Variants in ANKRD52 observed in about 807,000 individuals in gnomAD.
ANKRD52 encodes the protein ankyrin repeat domain 52.
ANKRD52 carries 7 observed loss-of-function variants against 116.0 expected under a neutral mutation model. That is an observed-to-expected ratio of 0.06 (90% confidence interval 0.03 to 0.11). The LOEUF is 0.11. Ranked by LOEUF, ANKRD52 falls within the 10% of genes least tolerant of loss-of-function variation. The pLI is 1.00. For synonymous variants in ANKRD52, 528 were observed against 578.1 expected (o/e 0.91, Z 1.24); for missense variants, 839 against 1,408.6 (o/e 0.60, Z 6.47).
rs1166357698 is a variant in ANKRD52 at position 56,255,486 on chromosome 12, G to C, written c.462+298C>G. Reference sequence around the variant, plus strand: ...ATTACAGGCGTGAGCCGCCGTGCCCGGCCGGTTCTTAAACTCTTGTAAGTC... The same window carrying C: ...ATTACAGGCGTGAGCCGCCGTGCCCCGCCGGTTCTTAAACTCTTGTAAGTC... On this transcript the variant is annotated intron_variant, in intron 5 of 27. Transcript: ENST00000267116. This position sits in a 1 kb window ranked among gnomAD's most constrained non-coding sequence, Gnocchi z 4.3. 6.6e-6 allele frequency among the ~76,000 whole-genome samples: 1 copy of C among 152,182 alleles called. No homozygotes were observed. Among genetic ancestry groups the C allele is most frequent in the Non-Finnish European group, 1.5e-5 (1 of 68,038 alleles).
chr12:56,242,983 T>C lies in ANKRD52; in HGVS notation c.*159A>G. 1 of 1,080,046 alleles carries C rather than the reference T, an allele frequency of 9.3e-7. No homozygotes were observed. Among genetic ancestry groups the C allele is most frequent in the South Asian group, 1.7e-5 (1 of 57,652 alleles). 66.9% of individuals were successfully genotyped at this position (1,080,046 alleles called of 1,614,324 possible). A position where few individuals can be genotyped will look rare whatever the true frequency, so the allele number is the denominator to read the frequency against. On this transcript the variant is annotated 3_prime_UTR_variant, in exon 28 of 28. Coordinates refer to ENST00000267116, the MANE Select transcript of ANKRD52 (RefSeq NM_173595.4). This position sits in a 1 kb window ranked among gnomAD's most constrained non-coding sequence, Gnocchi z 4.3. ...CCAGACCCCTGCCAGGCCAAGATGGTGTGGCAAAGGGGTGAGCAGCTGCTC... is the reference window on the plus strand; with the variant it reads ...CCAGACCCCTGCCAGGCCAAGATGGCGTGGCAAAGGGGTGAGCAGCTGCTC...
Position 56,254,891 on chromosome 12 carries a change from T to C in ANKRD52, c.524A>G (p.Gln175Arg). ...TAGAAAAGCTGCCCAATGCAGAGGC[T>C]GCCGCTCCTTTTTGTCACAGACATT... ...SLNVCDKKER[Q>R]PLHWAAFLGH... Residue 175 changes from glutamine (Q) to arginine (R), a missense_variant, in exon 6 of 28, where the codon CAG becomes CGG. Around this residue, in one of 2 missense-constraint regions of ANKRD52, gnomAD observed 287 missense variants for 598.1 expected, o/e 0.48. Coordinates refer to ENST00000267116, the MANE Select transcript of ANKRD52 (RefSeq NM_173595.4). The surrounding 1 kb of genome is among the most constrained non-coding windows in gnomAD (Gnocchi z 4.6). 1.2e-6 allele frequency: 2 copies of C among 1,613,674 alleles called. No homozygotes were observed. Among genetic ancestry groups the C allele is most frequent in the Non-Finnish European group, 1.7e-6 (2 of 1,179,560 alleles).
rs542968503 is a variant in ANKRD52 at position 56,246,174 on chromosome 12, C to T, written c.2185-578G>A. Among the ~76,000 whole-genome samples the T allele has an allele frequency of 2.6e-5, 4 of 152,322 alleles. No homozygotes were observed. In the East Asian group the frequency reaches 7.7e-4, roughly 29 times the overall value. ...CCTCCCAAGTAGCTGGGATTATAGG[C>T]ATGCACCACCATGCCCAATTAATTT... On this transcript the variant is annotated intron_variant, in intron 20 of 27. Coordinates refer to ENST00000267116, the MANE Select transcript of ANKRD52 (RefSeq NM_173595.4).
intron 20 of ANKRD52, 28 bp from the exon 21 acceptor site, chr12:56,245,624 G>T (rs774042499): frequency 6.3e-7 from 1 of 1,591,722 alleles, no homozygotes; most frequent in East Asian, 2.2e-5. Flanking sequence ...GTGTGAGGGG[G>T]ATGAAAAGCT....
At chr12:56,257,190 CCAA>C in intron 3 of ANKRD52, 90 bp downstream of exon 3, 2 of 1,546,852 alleles carry the variant, frequency 1.3e-6, no homozygotes, top group African/African-American at 1.4e-5. Context: ...CTCGCCTGGA[CCAA>C]GCCGGGGAGA....
chr12:56,237,900 T>C lies in ANKRD52; in HGVS notation c.*5242A>G. 1 of 870,716 alleles carries C rather than the reference T, an allele frequency of 1.1e-6. No homozygotes were observed. The highest frequency in any genetic ancestry group is 1.6e-6 in the Non-Finnish European group (1 of 612,414). 53.9% of individuals were successfully genotyped at this position (870,716 alleles called of 1,614,324 possible). A position where few individuals can be genotyped will look rare whatever the true frequency, so the allele number is the denominator to read the frequency against. On this transcript the variant is annotated 3_prime_UTR_variant, in exon 28 of 28. Coordinates refer to ENST00000267116, the MANE Select transcript of ANKRD52 (RefSeq NM_173595.4). ...CAAAACAGCATAGAAAACCAGAGTG[T>C]GGTGGGAGGACCCGAAGCCGGTTGG...
rs115543175 is a variant in ANKRD52, at chr12:56,254,282, G to A, written c.694-3C>T. 1,414 of 1,612,980 alleles carry A rather than the reference G, an allele frequency of 8.8e-4. 12 individuals are homozygous for A. In the African/African-American group the frequency reaches 0.016, roughly 19 times the overall value. ...CCAAAAGCATTGGGTTCATCGATCT[G>A]GATATTCAGGGGTGAGAGTAAGGTG... On this transcript the variant is annotated splice_region_variant and splice_polypyrimidine_tract_variant and intron_variant, in intron 7 of 27. Coordinates refer to ENST00000267116, the MANE Select transcript of ANKRD52 (RefSeq NM_173595.4). This position sits in a 1 kb window ranked among gnomAD's most constrained non-coding sequence, Gnocchi z 4.6.
At position 56,254,004 on chromosome 12, in the gene ANKRD52, C is replaced by G; in HGVS notation, c.906+63G>C. On this transcript the variant is annotated intron_variant, in intron 8 of 27. Coordinates refer to ENST00000267116, the MANE Select transcript of ANKRD52 (RefSeq NM_173595.4). The surrounding 1 kb of genome is among the most constrained non-coding windows in gnomAD (Gnocchi z 4.6). ...ATTCCCCAAGAGAGCTATCCAGATA[C>G]AGTCAGGACCCCTAGATCCAAGTTT... 6.6e-7 allele frequency: 1 copy of G among 1,509,732 alleles called. No homozygotes were observed. The highest frequency in any genetic ancestry group is 2.3e-5 in the East Asian group (1 of 43,998). The allele number at this position is 1,509,732 out of a possible 1,614,324, so 93.5% of individuals were successfully genotyped here. A position where few individuals can be genotyped will look rare whatever the true frequency, so the allele number is the denominator to read the frequency against.
Position 56,242,029 on chromosome 12 carries a change from CCCT to C in ANKRD52, c.*1110_*1112del. ...AGCCACGGTCCCTTGTCGGCCCTGC[CCCT>C]CCTACCATCTTTGGCTTCAGATCAG... On this transcript the variant is annotated 3_prime_UTR_variant, in exon 28 of 28. Coordinates refer to ENST00000267116, the MANE Select transcript of ANKRD52 (RefSeq NM_173595.4). This position sits in a 1 kb window ranked among gnomAD's most constrained non-coding sequence, Gnocchi z 4.3. The C allele has an allele frequency of 2.5e-6, 1 of 398,562 alleles. No individual in the cohort carries two copies. The highest frequency in any genetic ancestry group is 4.4e-6 in the Non-Finnish European group (1 of 226,062). 24.7% of individuals were successfully genotyped at this position (398,562 alleles called of 1,614,324 possible). A position where few individuals can be genotyped will look rare whatever the true frequency, so the allele number is the denominator to read the frequency against.
At position 56,242,731 on chromosome 12, in the gene ANKRD52, T is replaced by TGATG. The variant is rs1414833331; in HGVS notation, c.*407_*410dup. On this transcript the variant is annotated 3_prime_UTR_variant, in exon 28 of 28. Transcript: ENST00000267116. This position sits in a 1 kb window ranked among gnomAD's most constrained non-coding sequence, Gnocchi z 4.3. ...AGGGACCGGCCGAGCAGGGAGGCAG[T>TGATG]GATGGGTATGGAAGAAGAGGGGATC... is the stretch of plus-strand genomic sequence containing the variant. 3 of 198,998 alleles carry TGATG rather than the reference T, an allele frequency of 1.5e-5. No homozygotes were observed. The highest frequency in any genetic ancestry group is 7.0e-5 in the African/African-American group (3 of 42,700). The allele number at this position is 198,998 out of a possible 1,614,324, so 12.3% of individuals were successfully genotyped here.
chr12:56,250,659 G>A (rs1871644918), intron 15 of ANKRD52, among the ~76,000 whole-genome samples: 3 of 150,896 alleles, frequency 2.0e-5, no homozygotes, highest in Non-Finnish European at 4.4e-5. Context: ...TGAGGCAGGA[G>A]GATTGCTTGA....
chr12:56,252,226 C>A lies in ANKRD52; in HGVS notation c.1460G>T (p.Cys487Phe). The stretch of plus-strand genomic sequence containing the variant: ...GTAGTGGAGGGGAGAGCAGCCTTTA[C>A]AGTCGGCCTCGTTGACACCTGCCCC... ...TAGAGVNEAD[C>F]KGCSPLHYAA... is the part of the protein sequence containing the mutation. Residue 487 changes from cysteine (C) to phenylalanine (F), a missense_variant, in exon 14 of 28, where the codon TGT becomes TTT. Physicochemically the swap from Cys to Phe is radical, Grantham distance 205. Coordinates refer to ENST00000267116, the MANE Select transcript of ANKRD52 (RefSeq NM_173595.4). The surrounding 1 kb of genome is among the most constrained non-coding windows in gnomAD (Gnocchi z 4.7). The A allele has an allele frequency of 6.2e-7, 1 of 1,613,976 alleles. No homozygotes were observed. Among genetic ancestry groups the A allele is most frequent in the Non-Finnish European group, 8.5e-7 (1 of 1,179,890 alleles).
At chr12:56,251,042 G>GC (rs1204692923) in intron 15 of ANKRD52, among the ~76,000 whole-genome samples, 1 of 152,080 alleles carries the variant, frequency 6.6e-6, no homozygotes, top group Non-Finnish European at 1.5e-5. Context: ...CCTGGTTCAA[G>GC]TGATTCTCCT....
Position 56,242,887 on chromosome 12 carries a change from A to C in ANKRD52, c.*255T>G. The C allele has an allele frequency of 2.1e-6, 1 of 472,062 alleles. No individual in the cohort carries two copies. Among genetic ancestry groups the C allele is most frequent in the Non-Finnish European group, 3.7e-6 (1 of 267,770 alleles). 29.2% of individuals were successfully genotyped at this position (472,062 alleles called of 1,614,324 possible). A position where few individuals can be genotyped will look rare whatever the true frequency, so the allele number is the denominator to read the frequency against. On this transcript the variant is annotated 3_prime_UTR_variant, in exon 28 of 28. Coordinates refer to ENST00000267116, the MANE Select transcript of ANKRD52 (RefSeq NM_173595.4). The surrounding 1 kb of genome is among the most constrained non-coding windows in gnomAD (Gnocchi z 4.3). Reference sequence around the variant, plus strand: ...GAGTGGGGGAGCCAGGCATTTAGCAATCATTTTGGGACACTTGGCAGAAGG... The same window carrying C: ...GAGTGGGGGAGCCAGGCATTTAGCACTCATTTTGGGACACTTGGCAGAAGG...
In ANKRD52 at chr12:56,244,270, C is replaced by A; in HGVS notation, c.2805+83G>T. On this transcript the variant is annotated intron_variant, in intron 25 of 27. Transcript: ENST00000267116. This position sits in a 1 kb window ranked among gnomAD's most constrained non-coding sequence, Gnocchi z 4.9. ...AGGCTGGACAATCCTCACTTCTGCC[C>A]CAGTCCCCTCTGCAACCGAGACTTA... 1 of 1,548,086 alleles carries A rather than the reference C, an allele frequency of 6.5e-7. No homozygotes were observed. The highest frequency in any genetic ancestry group is 2.3e-5 in the East Asian group (1 of 44,360).
chr12:56,254,201 G>A lies in ANKRD52; in HGVS notation c.772C>T (p.Leu258=). 4.3e-6 allele frequency: 7 copies of A among 1,613,978 alleles called. No homozygotes were observed. The highest frequency in any genetic ancestry group is 5.9e-6 in the Non-Finnish European group (7 of 1,179,894). Residue 258 remains leucine, a synonymous_variant, in exon 8 of 28, where the codon CTG becomes TTG. Coordinates refer to ENST00000267116, the MANE Select transcript of ANKRD52 (RefSeq NM_173595.4). The surrounding 1 kb of genome is among the most constrained non-coding windows in gnomAD (Gnocchi z 4.6). ...YLGQDAVAIE[L]VNAGANVNQP... is the part of the protein sequence containing the mutation. ...TTGACATTGGCTCCGGCATTCACCA[G>A]CTCAATAGCCACAGCATCCTGGCCC...
chr12:56,257,147 A>T (rs1871992438), intron 3 of ANKRD52, 62 bp from the exon 4 acceptor site: 5 of 1,578,120 alleles, frequency 3.2e-6, no homozygotes, highest in Non-Finnish European at 4.3e-6. Context: ...GGAAGCCAGT[A>T]ATCAGGCCAG....
In ANKRD52 at chr12:56,245,278, G is replaced by C. The variant is rs535607076; in HGVS notation, c.2405-88C>G. On this transcript the variant is annotated intron_variant, in intron 21 of 27. Coordinates refer to ENST00000267116, the MANE Select transcript of ANKRD52 (RefSeq NM_173595.4). ...GTCTTGACACTCCATTCCACTTCCA[G>C]ATTCAGATCAACCCAGGTCCCCCCC... is the stretch of plus-strand genomic sequence containing the variant. The C allele has an allele frequency of 2.1e-5, 33 of 1,600,622 alleles. 2 individuals are homozygous for C. In the African/African-American group the frequency reaches 4.3e-4, roughly 21 times the overall value.
At chr12:56,257,126 G>A (rs376693449) in intron 3 of ANKRD52, 41 bp from the exon 4 acceptor site, 2 of 1,599,760 alleles carry the variant, frequency 1.3e-6, no homozygotes, top group Non-Finnish European at 1.7e-6. Context: ...AAGGTGGGGA[G>A]GAGGTATGAA....
Sources: allele counts gnomAD v4.1 joint callset (sites outside exome capture counted in the v4.1 genomes callset), GRCh38; gene constraint gnomAD v4.1.1; regional missense constraint gnomAD v4.1.1; non-coding constraint Gnocchi (gnomAD v3.1); transcripts MANE v1.5; gene names NCBI Gene and HGNC (gene_info 2026-07-23, HGNC 2026-07-21).